The following TCF20 variants were observed in gnomAD, a reference collection of about 807,000 sequenced individuals.
TCF20 encodes transcription factor 20, also known as SPRE-binding protein.
TCF20 carries 3 observed loss-of-function variants against 148.6 expected under a neutral mutation model. The ratio of observed to expected loss-of-function variants is 0.02; its 90% CI spans 0.01 to 0.05. The LOEUF (loss-of-function observed/expected upper bound fraction) is 0.05. Ranked by LOEUF, TCF20 falls within the 10% of genes least tolerant of loss-of-function variation. The pLI is 1.00. For missense variants in TCF20, 2,350 were observed against 2,429.3 expected (o/e 0.97, Z 0.69); for synonymous variants, 1,049 against 909.5 (o/e 1.15, Z -2.76).
intron 1 of TCF20, among the ~76,000 whole-genome samples, chr22:42,242,615 G>GA (rs1377436564): frequency 6.6e-6 from 1 of 151,726 alleles, no homozygotes; most frequent in Non-Finnish European, 1.5e-5. Context: ...GGCCAGGCGA[G>GA]GTGGCTCACA....
chr22:42,263,211 C>T (rs1197930955), intron 1 of TCF20, among the ~76,000 whole-genome samples: 1 of 152,190 alleles, frequency 6.6e-6, no homozygotes, highest in African/African-American at 2.4e-5. Context: ...GCTCTGCTGC[C>T]TTCCATCACG....
intron 2 of TCF20, among the ~76,000 whole-genome samples, chr22:42,193,067 T>C (rs1937416710): frequency 6.6e-6 from 1 of 152,114 alleles, no homozygotes; most frequent in South Asian, 2.1e-4. Context: ...TCTTCATAGA[T>C]ATGGAAATTT....
chr22:42,236,863 T>C (rs1250374927), intron 1 of TCF20, among the ~76,000 whole-genome samples: 1 of 152,254 alleles, frequency 6.6e-6, no homozygotes, highest in Non-Finnish European at 1.5e-5. Flanking sequence ...AATGGTATTA[T>C]GTCTAAAAGA....
In TCF20 at chr22:42,210,200, G is replaced by A. The variant is rs368113920; in HGVS notation, c.5106C>T (p.His1702=). 7 of 1,614,032 alleles carry A rather than the reference G, an allele frequency of 4.3e-6. No homozygotes were observed. Among genetic ancestry groups the A allele is most frequent in the African/African-American group, 2.7e-5 (2 of 74,918 alleles). Residue 1702 remains histidine, a synonymous_variant, in exon 2 of 6, where the codon CAC becomes CAT. Coordinates refer to ENST00000677622, the MANE Select transcript of TCF20 (RefSeq NM_001378418.1). The surrounding 1 kb of genome is among the most constrained non-coding windows in gnomAD (Gnocchi z 4.7). The part of the protein sequence containing the change: ...PVVTESSVMG[H]LVCCLCGKWA... ...ACTTGCCACACAGACAGCAAACCAG[G>A]TGCCCCATAACCGAAGACTCTGTCA...
chr22:42,322,300 G>A (rs554454677), intron 1 of TCF20, among the ~76,000 whole-genome samples: 1 of 151,958 alleles, frequency 6.6e-6, no homozygotes, highest in Admixed American at 6.6e-5. Context: ...TGTATAAGAG[G>A]ACCCTGGGGA....
At chr22:42,248,372 A>T (rs1925092202) in intron 1 of TCF20, among the ~76,000 whole-genome samples, 1 of 152,196 alleles carries the variant, frequency 6.6e-6, no homozygotes. Context: ...AAATGAATGA[A>T]TCTCTCTTCA....
chr22:42,278,568 G>A (rs985086873), intron 1 of TCF20: 2 of 152,256 alleles, frequency 1.3e-5, no homozygotes, highest in Non-Finnish European at 1.5e-5. Flanking sequence ...TCCCAGGCCT[G>A]GAGGCTGGCG....
At chr22:42,271,253 C>T (rs529671851), upstream of TCF20, among the ~76,000 whole-genome samples, 28 of 152,390 alleles carry the variant, frequency 1.8e-4, no homozygotes, top group African/African-American at 6.7e-4. Context: ...CTCTCAGAGC[C>T]TCAGTTTCCA....
intron 2 of TCF20, among the ~76,000 whole-genome samples, chr22:42,204,424 G>A (rs904507345): frequency 2.6e-5 from 4 of 152,206 alleles, no homozygotes; most frequent in African/African-American, 9.7e-5. Context: ...GAATACAGGA[G>A]GCGGAGGTTG....
At chr22:42,247,288 G>C (rs1422654317) in intron 1 of TCF20, among the ~76,000 whole-genome samples, 1 of 150,970 alleles carries the variant, frequency 6.6e-6, no homozygotes, top group Non-Finnish European at 1.5e-5. Context: ...AAAAATATAA[G>C]AATTTGCTTG....
chr22:42,195,357 C>G (rs967733462), intron 2 of TCF20, among the ~76,000 whole-genome samples: 2 of 151,856 alleles, frequency 1.3e-5, no homozygotes, highest in African/African-American at 4.8e-5. Context: ...TCATCCATCT[C>G]TCATCATTTT....
upstream of TCF20, among the ~76,000 whole-genome samples, chr22:42,286,256 C>G (rs77238205): frequency 0.058 from 8,834 of 152,204 alleles, 365 homozygotes; most frequent in South Asian, 0.11. Context: ...TGCCCCTTGT[C>G]CTCTGATCCA....
intron 3 of TCF20, among the ~76,000 whole-genome samples, chr22:42,172,352 G>C (rs1309067019): frequency 1.3e-5 from 2 of 152,204 alleles, no homozygotes; most frequent in South Asian, 2.1e-4. Context: ...TGAGGACTCT[G>C]AACAGGCAAC....
intron 3 of TCF20, among the ~76,000 whole-genome samples, chr22:42,172,513 G>T (rs1452130062): frequency 6.6e-6 from 1 of 152,176 alleles, no homozygotes; most frequent in African/African-American, 2.4e-5. Flanking sequence ...AGCTCAAAAA[G>T]ACCTACAAGG....
intron 1 of TCF20, among the ~76,000 whole-genome samples, chr22:42,329,014 A>G (rs890934481): frequency 6.6e-6 from 1 of 152,198 alleles, no homozygotes; most frequent in African/African-American, 2.4e-5. Context: ...TGGGTCTCCC[A>G]GCACCCTCCA....
At chr22:42,255,374 A>T (rs889764796) in intron 1 of TCF20, among the ~76,000 whole-genome samples, 1 of 152,038 alleles carries the variant, frequency 6.6e-6, no homozygotes, top group Admixed American at 6.6e-5. Flanking sequence ...CTGTAGTCCC[A>T]GCTAGTTGGG....
At chr22:42,216,589 T>C (rs1921829838) in intron 1 of TCF20, among the ~76,000 whole-genome samples, 1 of 152,198 alleles carries the variant, frequency 6.6e-6, no homozygotes, top group Non-Finnish European at 1.5e-5. Context: ...GTGACTATTC[T>C]TCCAGATTAT....
intron 4 of TCF20, 98 bp from the exon 5 acceptor site, chr22:42,168,834 G>C (rs1016088393): frequency 4.2e-6 from 6 of 1,424,154 alleles, no homozygotes; most frequent in Admixed American, 2.6e-5. Flanking sequence ...CATGGAAAAG[G>C]AAAGAAAAGG....
intron 1 of TCF20, among the ~76,000 whole-genome samples, chr22:42,300,349 T>A (rs1035111920): frequency 3.9e-5 from 6 of 151,940 alleles, no homozygotes; most frequent in African/African-American, 1.5e-4. Context: ...AAATCTAGAT[T>A]TGTATGTGAA....
Sources: allele counts gnomAD v4.1 joint callset (sites outside exome capture counted in the v4.1 genomes callset), GRCh38; gene constraint gnomAD v4.1.1; non-coding constraint Gnocchi (gnomAD v3.1); transcripts MANE v1.5; gene names NCBI Gene and HGNC (gene_info 2026-07-23, HGNC 2026-07-21).